The following RFT1 variants were observed in gnomAD, a reference collection of about 807,000 sequenced individuals.
RFT1 encodes the protein RFT1 glycolipid translocator homolog.
A neutral mutation model predicts 62.2 loss-of-function variants in RFT1; 43 were observed. That is an observed-to-expected ratio of 0.69 (90% confidence interval 0.54 to 0.89). The LOEUF (loss-of-function observed/expected upper bound fraction) is 0.89. Among genes scored for constraint, RFT1 ranks in the 40% least tolerant of loss-of-function variants. The pLI is 0.00. For missense variants in RFT1, 605 were observed against 649.9 expected (o/e 0.93, Z 0.75); for synonymous variants, 262 against 264.6 (o/e 0.99, Z 0.10).
At chr3:53,075,053 G>A in the RFT1 span, among the ~76,000 whole-genome samples, 1 of 152,134 alleles carries the variant, frequency 6.6e-6, no homozygotes, top group Non-Finnish European at 1.5e-5. Flanking sequence ...GGGGTAGTGA[G>A]AACAAGGCCC....
chr3:53,115,118 G>A (rs1268282065), intron 6 of RFT1, among the ~76,000 whole-genome samples: 1 of 152,062 alleles, frequency 6.6e-6, no homozygotes, highest in Non-Finnish European at 1.5e-5. Context: ...ATTGCCACAG[G>A]CTCCCAATGA....
intron 6 of RFT1, among the ~76,000 whole-genome samples, chr3:53,113,237 A>T (rs950952977): frequency 3.3e-5 from 5 of 152,270 alleles, no homozygotes; most frequent in Admixed American, 3.3e-4. Context: ...GGCTGGTCTC[A>T]AACTCCTGGC....
intron 7 of RFT1, among the ~76,000 whole-genome samples, chr3:53,107,961 T>C (rs1478011946): frequency 1.3e-5 from 2 of 152,198 alleles, no homozygotes; most frequent in Non-Finnish European, 2.9e-5. Context: ...TAGGGACCAC[T>C]GCAGGTCCTC....
chr3:53,097,962 C>T (rs889007687), intron 11 of RFT1, among the ~76,000 whole-genome samples: 6 of 152,292 alleles, frequency 3.9e-5, no homozygotes, highest in African/African-American at 1.4e-4. Context: ...TGGGTTGTGA[C>T]CTACTAGGCT....
intron 6 of RFT1, among the ~76,000 whole-genome samples, chr3:53,113,092 T>C (rs1201290776): frequency 6.6e-6 from 1 of 152,176 alleles, no homozygotes; most frequent in East Asian, 1.9e-4. Flanking sequence ...CATAGCTCAC[T>C]ATAACCTCAA....
chr3:53,084,129 T>C (rs1700810275), downstream of RFT1, among the ~76,000 whole-genome samples: 1 of 152,218 alleles, frequency 6.6e-6, no homozygotes, highest in African/African-American at 2.4e-5. Context: ...TGAGGGAAGA[T>C]AAGAGTGTGC....
At position 53,090,149 on chromosome 3, in the gene RFT1, T is replaced by C. The variant is rs1700951176; in HGVS notation, c.*1754A>G. ...TGGGAAGCCATGTTCTGACTTGCAA[T>C]CCAGGTGATTCCGAGGCAGGTAGAA... On this transcript the variant is annotated 3_prime_UTR_variant, in exon 13 of 13. Transcript: ENST00000296292. 6.5e-6 allele frequency: 1 copy of C among 152,800 alleles called. No homozygotes were observed. The highest frequency in any genetic ancestry group is 1.5e-5 in the Non-Finnish European group (1 of 68,166). 9.5% of individuals were successfully genotyped at this position (152,800 alleles called of 1,614,324 possible).
intron 1 of RFT1, among the ~76,000 whole-genome samples, chr3:53,127,613 AAT>A (rs1242720628): frequency 6.6e-6 from 1 of 151,068 alleles, no homozygotes; most frequent in Non-Finnish European, 1.5e-5. Context: ...GAGGCAGGAG[AAT>A]GGCGTGAAGC....
intron 11 of RFT1, among the ~76,000 whole-genome samples, chr3:53,094,826 C>G (rs1337186376): frequency 1.3e-5 from 2 of 151,868 alleles, no homozygotes; most frequent in Non-Finnish European, 2.9e-5. Flanking sequence ...TTGATATGGC[C>G]ATCTGAGAGG....
At chr3:53,080,398 C>T in the RFT1 span, among the ~76,000 whole-genome samples, 2 of 152,196 alleles carry the variant, frequency 1.3e-5, no homozygotes, top group Non-Finnish European at 2.9e-5. Context: ...CACCCTTACC[C>T]GCCAAAGCTC....
chr3:53,099,498 CA>C lies in RFT1; in HGVS notation c.1103-13del. On this transcript the variant is annotated splice_polypyrimidine_tract_variant and intron_variant, in intron 10 of 12. Coordinates refer to ENST00000296292, the MANE Select transcript of RFT1 (RefSeq NM_052859.4). ...CAGCAAAACAGGACCTACAAGGAAA[CA>C]ACTCACTGAGACTCCAGAGCCCAAT... 2 of 1,610,546 alleles carry C rather than the reference CA, an allele frequency of 1.2e-6. No homozygotes were observed. The highest frequency in any genetic ancestry group is 1.7e-6 in the Non-Finnish European group (2 of 1,176,958).
intron 10 of RFT1, chr3:53,103,136 C>T: frequency 1.0e-6 from 1 of 985,464 alleles, no homozygotes; most frequent in Non-Finnish European, 1.2e-6. Flanking sequence ...CCTCCCCTAA[C>T]ACCAAAAGTT....
chr3:53,122,518 C>A lies in RFT1; in HGVS notation c.312G>T (p.Trp104Cys). ...VFWSLFLGWI[W>C]LQLLEVPDPN... is the part of the protein sequence containing the mutation. ...GATCAGGCACTTCAAGCAGCTGCAA[C>A]CAGATCCAGCCCAGGAATAAGGACC... is the stretch of plus-strand genomic sequence containing the variant. The change falls in exon 4 of 13, where the codon TGG (tryptophan) becomes TGT (cysteine). Residue 104 changes from tryptophan (W) to cysteine (C), a missense_variant. Transcript: ENST00000296292. 1 of 1,613,668 alleles carries A rather than the reference C, an allele frequency of 6.2e-7. No homozygotes were observed. Among genetic ancestry groups the A allele is most frequent in the South Asian group, 1.1e-5 (1 of 91,062 alleles).
At chr3:53,108,602 C>A (rs1271946048) in intron 7 of RFT1, among the ~76,000 whole-genome samples, 8 of 151,826 alleles carry the variant, frequency 5.3e-5, no homozygotes, top group African/African-American at 1.9e-4. Context: ...CCATGTTGGC[C>A]AGACTGGTCT....
chr3:53,105,354 C>T (rs1701433221), intron 9 of RFT1, among the ~76,000 whole-genome samples: 1 of 151,526 alleles, frequency 6.6e-6, no homozygotes, highest in Non-Finnish European at 1.5e-5. Flanking sequence ...GTGGAGGTTG[C>T]AGTGAGCCGA....
chr3:53,081,022 A>AG, the RFT1 span, among the ~76,000 whole-genome samples: 200 of 152,298 alleles, frequency 1.3e-3, no homozygotes, highest in Non-Finnish European at 2.5e-3. Context: ...AGAGCAGCCT[A>AG]GGGGGGTCAT....
the RFT1 span, among the ~76,000 whole-genome samples, chr3:53,067,556 C>T: frequency 2.0e-5 from 3 of 152,034 alleles, no homozygotes; most frequent in Admixed American, 6.6e-5. Context: ...GAAGTTTGCT[C>T]GGGGTCACGG....
At chr3:53,104,226 A>AT (rs934405665) in intron 9 of RFT1, 129 bp from the exon 10 acceptor site, 11 of 942,662 alleles carry the variant, frequency 1.2e-5, no homozygotes, top group Admixed American at 2.5e-5. Context: ...GGATATCACT[A>AT]TTTTTTTGTA....
intron 10 of RFT1, 195 bp downstream of exon 10, chr3:53,103,758 C>T (rs1031230025): frequency 3.3e-5 from 22 of 661,998 alleles, no homozygotes; most frequent in Admixed American, 2.7e-4. Flanking sequence ...ATTGTCCTGG[C>T]GCCAACGCCC....
Sources: allele counts gnomAD v4.1 joint callset (sites outside exome capture counted in the v4.1 genomes callset), GRCh38; gene constraint gnomAD v4.1.1; transcripts MANE v1.5; gene names NCBI Gene and HGNC (gene_info 2026-07-23, HGNC 2026-07-21).